Variants in ARID4B observed in about 807,000 individuals in gnomAD.
The protein encoded by ARID4B is AT-rich interaction domain 4B.
A neutral mutation model predicts 147.5 loss-of-function variants in ARID4B; 26 were observed. The ratio of observed to expected loss-of-function variants is 0.18; its 90% confidence interval spans 0.13 to 0.24. The LOEUF (loss-of-function observed/expected upper bound fraction) is 0.24. Ranked by LOEUF, ARID4B falls within the 10% of genes least tolerant of loss-of-function variation. ARID4B has a pLI of 1.00. For missense variants in ARID4B, 1,179 were observed against 1,511.5 expected (o/e 0.78, Z 3.65); for synonymous variants, 512 against 507.9 (o/e 1.01, Z -0.11).
At chr1:235,258,814 T>C (rs1572096130) in intron 3 of ARID4B, among the ~76,000 whole-genome samples, 1 of 152,330 alleles carries the variant, frequency 6.6e-6, no homozygotes, top group African/African-American at 2.4e-5. Context: ...TGCCCTTCAC[T>C]TAAACTATAA....
At chr1:235,244,175 A>G (rs1669157458) in intron 7 of ARID4B, among the ~76,000 whole-genome samples, 1 of 152,214 alleles carries the variant, frequency 6.6e-6, no homozygotes, top group Non-Finnish European at 1.5e-5. Context: ...GTTACTGGGT[A>G]AAATCCATAC....
intron 19 of ARID4B, among the ~76,000 whole-genome samples, chr1:235,188,317 C>T (rs1664836663): frequency 6.6e-6 from 1 of 152,134 alleles, no homozygotes; most frequent in Admixed American, 6.6e-5. Context: ...CTCATACCAG[C>T]AGTGAGGAAA....
chr1:235,313,356 A>C (rs1333443968), intron 2 of ARID4B, among the ~76,000 whole-genome samples: 1 of 151,960 alleles, frequency 6.6e-6, no homozygotes, highest in East Asian at 1.9e-4. Flanking sequence ...TTTTATTCTG[A>C]AATAGACATA....
chr1:235,262,492 C>T (rs1670354489), intron 2 of ARID4B, among the ~76,000 whole-genome samples: 2 of 152,144 alleles, frequency 1.3e-5, no homozygotes, highest in African/African-American at 4.8e-5. Flanking sequence ...ATATTATTAA[C>T]TACAACTTGA....
chr1:235,327,079 C>T, intron 1 of ARID4B, 111 bp from the exon 2 acceptor site: 1 of 713,550 alleles, frequency 1.4e-6, no homozygotes, highest in Non-Finnish European at 2.4e-6. Flanking sequence ...AGAGCCGCAA[C>T]CAGGCGCCAG....
Position 235,248,373 on chromosome 1 carries a change from A to G in ARID4B, c.355-1862T>C, listed in dbSNP as rs555601589. Among the ~76,000 whole-genome samples, 3 of 152,266 alleles carry G rather than the reference A, an allele frequency of 2.0e-5. No homozygotes were observed. In the East Asian group the frequency reaches 5.8e-4, roughly 29 times the overall value. Reference sequence around the variant, plus strand: ...CCGGAAAATCTAGACGTTGCCTGTCATTAACTCCTATGGTGAAAATTTCTA... The same window carrying G: ...CCGGAAAATCTAGACGTTGCCTGTCGTTAACTCCTATGGTGAAAATTTCTA... On this transcript the variant is annotated intron_variant, in intron 6 of 23. Coordinates refer to ENST00000264183, the MANE Select transcript of ARID4B (RefSeq NM_016374.6).
At chr1:235,322,566 G>C (rs1674915456) in intron 2 of ARID4B, among the ~76,000 whole-genome samples, 1 of 152,132 alleles carries the variant, frequency 6.6e-6, no homozygotes, top group Non-Finnish European at 1.5e-5. Context: ...ACTTTCCATA[G>C]CTCTCTGATT....
chr1:235,168,760 A>G, intron 23 of ARID4B, 108 bp from the exon 24 acceptor site: 2 of 1,193,272 alleles, frequency 1.7e-6, no homozygotes, highest in Non-Finnish European at 2.3e-6. Context: ...GTCCAAAATC[A>G]TTTAGCTTAC....
At chr1:235,270,320 C>A (rs1012471883) in intron 2 of ARID4B, among the ~76,000 whole-genome samples, 2 of 152,056 alleles carry the variant, frequency 1.3e-5, no homozygotes, top group African/African-American at 2.4e-5. Flanking sequence ...AAAAACTCAA[C>A]CCCTTCCCAA....
rs199520256 is a variant in ARID4B, at chr1:235,174,102, C to T, written c.3664+1082G>A. 2.4e-4 allele frequency among the ~76,000 whole-genome samples: 36 copies of T among 151,358 alleles called. No homozygotes were observed. The East Asian group carries it at 4.5e-3, about 19-fold the overall frequency. On this transcript the variant is annotated intron_variant, in intron 22 of 23. Coordinates refer to ENST00000264183, the MANE Select transcript of ARID4B (RefSeq NM_016374.6). ...TCGCCCAGGCTGGAGTGCAGTGGCG[C>T]AACCTCGGCTCACTGCAACCTCCAC...
rs548492807 is a variant in ARID4B at position 235,277,514 on chromosome 1, G to A, written c.7-16762C>T. On this transcript the variant is annotated intron_variant, in intron 2 of 23. Coordinates refer to ENST00000264183, the MANE Select transcript of ARID4B (RefSeq NM_016374.6). ...AGATCCCGCCACTGCACTCCAGCCT[G>A]GGCGACAGCGAGACTCCGTCTCAAA... Among the ~76,000 whole-genome samples the A allele has an allele frequency of 3.0e-3, 444 of 150,072 alleles. 5 individuals are homozygous for A. The highest frequency in any genetic ancestry group is 0.011 in the African/African-American group (430 of 40,744).
Position 235,182,086 on chromosome 1 carries a change from A to C in ARID4B, c.2833T>G (p.Ser945Ala). Residue 945 changes from serine to alanine, a missense_variant, in exon 20 of 24, where the codon TCA becomes GCA. Around this residue, in one of 10 missense-constraint regions of ARID4B, gnomAD observed 8 missense variants for 28.7 expected, o/e 0.28. Coordinates refer to ENST00000264183, the MANE Select transcript of ARID4B (RefSeq NM_016374.6). ...GCTGCAGCCTCAGTATCAGAGTCTG[A>C]AAAAAGCTCTTTCAGCGTTTTTTTA... Reference protein sequence around the residue: ...WPKKTLKELFSDSDTEAAASP... With the variant: ...WPKKTLKELFADSDTEAAASP... 1 of 1,614,110 alleles carries C rather than the reference A, an allele frequency of 6.2e-7. No homozygotes were observed. Among genetic ancestry groups the C allele is most frequent in the Non-Finnish European group, 8.5e-7 (1 of 1,180,028 alleles).
chr1:235,270,282 C>CA (rs988840639), intron 2 of ARID4B, among the ~76,000 whole-genome samples: 3 of 151,636 alleles, frequency 2.0e-5, no homozygotes, highest in Non-Finnish European at 2.9e-5. Context: ...GACTCCGTCT[C>CA]AAAAAAACAA....
intron 2 of ARID4B, among the ~76,000 whole-genome samples, chr1:235,319,970 T>A (rs958568977): frequency 1.3e-5 from 2 of 151,760 alleles, no homozygotes; most frequent in African/African-American, 2.4e-5. Context: ...CTACTAAAAA[T>A]ACAAAAATTA....
rs918201138 is a variant in ARID4B, at chr1:235,166,985, TAATA to T, written c.*1536_*1539del. 3 of 180,652 alleles carry T rather than the reference TAATA, an allele frequency of 1.7e-5. No individual in the cohort carries two copies. Among genetic ancestry groups the T allele is most frequent in the South Asian group, 3.9e-4 (2 of 5,064 alleles). 11.2% of individuals were successfully genotyped at this position (180,652 alleles called of 1,614,324 possible). ...ATAATTCTTCATTGTTTGCAGATCC[TAATA>T]TATACTTTATAGCTTTTATTCTATA... On this transcript the variant is annotated 3_prime_UTR_variant, in exon 24 of 24. Coordinates refer to ENST00000264183, the MANE Select transcript of ARID4B (RefSeq NM_016374.6).
chr1:235,203,990 T>C (rs889121461), intron 17 of ARID4B, among the ~76,000 whole-genome samples: 1 of 152,140 alleles, frequency 6.6e-6, no homozygotes, highest in Non-Finnish European at 1.5e-5. Flanking sequence ...TAATCATGTA[T>C]CTACAATAAA....
intron 19 of ARID4B, among the ~76,000 whole-genome samples, chr1:235,193,001 G>GA (rs1309071969): frequency 6.6e-6 from 1 of 152,046 alleles, no homozygotes; most frequent in Non-Finnish European, 1.5e-5. Context: ...GCTGAGACAG[G>GA]AGAACAGTGT....
At chr1:235,223,720 G>A (rs1421102158) in intron 12 of ARID4B, among the ~76,000 whole-genome samples, 7 of 122,322 alleles carry the variant, frequency 5.7e-5, no homozygotes, top group East Asian at 2.5e-4. Flanking sequence ...ACAAGAAAAC[G>A]CAAGGCAAGG....
intron 17 of ARID4B, among the ~76,000 whole-genome samples, chr1:235,206,296 G>C (rs1283921995): frequency 6.6e-6 from 1 of 151,946 alleles, no homozygotes. Flanking sequence ...AAGCTTGAAC[G>C]ATGAAGAAAA....
Sources: gnomAD v4.1 joint callset for allele counts (sites outside exome capture counted in the v4.1 genomes callset) on GRCh38, gnomAD v4.1.1 for gene constraint, gnomAD v4.1.1 regional missense constraint, MANE v1.5 for transcripts, NCBI Gene and HGNC (gene_info 2026-07-23, HGNC 2026-07-21) for gene names.